ZNF407: variants seen among roughly 807,000 people sequenced by gnomAD.
The protein encoded by ZNF407 is zinc finger protein 407.
ZNF407 carries 17 observed loss-of-function variants against 131.2 expected under a neutral mutation model. That is an observed-to-expected ratio of 0.13 (90% CI 0.09 to 0.19). The LOEUF (loss-of-function observed/expected upper bound fraction) is 0.19. Ranked by LOEUF, ZNF407 falls within the 10% of genes least tolerant of loss-of-function variation. The probability of loss-of-function intolerance (pLI) is 1.00; values close to 1 mark genes in which losing one functional copy is unlikely to be tolerated. For synonymous variants in ZNF407, 1,156 were observed against 1,062.0 expected, an observed-to-expected ratio of 1.09 and a Z score of -1.72; for missense variants, 2,681 against 2,830.6, an observed-to-expected ratio of 0.95 and a Z score of 1.20.
intron 1 of ZNF407, among the ~76,000 whole-genome samples, chr18:74,630,352 T>C (rs779273532): frequency 6.6e-6 from 1 of 152,016 alleles, no homozygotes; most frequent in African/African-American, 2.4e-5. Context: ...TTTGTATTTT[T>C]AGTAGCGACA....
intron 3 of ZNF407, among the ~76,000 whole-genome samples, chr18:74,741,587 A>C (rs1376643840): frequency 6.6e-6 from 1 of 152,184 alleles, no homozygotes; most frequent in East Asian, 1.9e-4. Flanking sequence ...AAAAAAGAAT[A>C]ATTGTAAAAA....
chr18:74,690,451 G>GTT (rs113247514), intron 3 of ZNF407, among the ~76,000 whole-genome samples: 25 of 150,270 alleles, frequency 1.7e-4, no homozygotes, highest in East Asian at 7.8e-4. Flanking sequence ...TTTTTTTGGG[G>GTT]GTTTTTTTTG....
intron 8 of ZNF407, among the ~76,000 whole-genome samples, chr18:75,002,584 C>T (rs1009830850): frequency 3.9e-5 from 6 of 152,210 alleles, no homozygotes; most frequent in South Asian, 4.1e-4. Flanking sequence ...GGGTGGATCA[C>T]GAGGTCAGGA....
intron 8 of ZNF407, among the ~76,000 whole-genome samples, chr18:75,053,052 G>A (rs1024421184): frequency 1.3e-5 from 2 of 152,168 alleles, no homozygotes; most frequent in Admixed American, 6.5e-5. Flanking sequence ...CAGTGGAATC[G>A]TGTGGTCCTG....
chr18:74,623,959 C>A (rs963735800), intron 1 of ZNF407, among the ~76,000 whole-genome samples: 2 of 152,106 alleles, frequency 1.3e-5, no homozygotes, highest in Non-Finnish European at 2.9e-5. Context: ...AAACGTAATG[C>A]TTGAAGAAGA....
At chr18:74,638,568 C>T (rs1984565857) in intron 2 of ZNF407, among the ~76,000 whole-genome samples, 1 of 152,120 alleles carries the variant, frequency 6.6e-6, no homozygotes, top group Admixed American at 6.5e-5. Context: ...GGTTGAGGAG[C>T]CCTCGTAGGC....
chr18:74,780,733 A>T (rs9947276), intron 3 of ZNF407, among the ~76,000 whole-genome samples: 99,693 of 152,006 alleles, frequency 0.66, 34,447 homozygotes, highest in East Asian at 0.95. Flanking sequence ...CATGACGTAA[A>T]TAAATTGATA....
chr18:74,653,911 A>AAT (rs1480743354), intron 3 of ZNF407, among the ~76,000 whole-genome samples: 1 of 151,848 alleles, frequency 6.6e-6, no homozygotes, highest in African/African-American at 2.4e-5. Flanking sequence ...TGAACATGCT[A>AAT]ATATATTATT....
intron 1 of ZNF407, among the ~76,000 whole-genome samples, chr18:74,627,909 C>G (rs1191033757): frequency 7.4e-6 from 1 of 135,324 alleles, no homozygotes; most frequent in Admixed American, 7.8e-5. Context: ...GGGTCTCACT[C>G]TGTTGCCCAG....
intron 6 of ZNF407, among the ~76,000 whole-genome samples, chr18:74,884,999 A>G (rs1265658662): frequency 6.6e-6 from 1 of 152,316 alleles, no homozygotes; most frequent in East Asian, 1.9e-4. Flanking sequence ...TTTAATGCCA[A>G]AACATTTTGT....
intron 8 of ZNF407, among the ~76,000 whole-genome samples, chr18:75,056,014 C>T (rs1003028225): frequency 2.0e-5 from 3 of 152,152 alleles, no homozygotes; most frequent in African/African-American, 7.2e-5. Flanking sequence ...TCATGAAATG[C>T]GGGGCATGGC....
At chr18:74,763,772 C>T (rs1166400030) in intron 3 of ZNF407, among the ~76,000 whole-genome samples, 5 of 141,452 alleles carry the variant, frequency 3.5e-5, no homozygotes, top group East Asian at 2.1e-4. Flanking sequence ...GGCAGTGGCG[C>T]GATCTCGGCT....
chr18:74,713,485 A>T (rs1303636660), intron 3 of ZNF407, among the ~76,000 whole-genome samples: 2 of 150,752 alleles, frequency 1.3e-5, no homozygotes, highest in African/African-American at 4.9e-5. Flanking sequence ...TAAAAAATAG[A>T]TTTTAAATAA....
chr18:74,781,595 C>T, intron 4 of ZNF407, 93 bp downstream of exon 4: 1 of 885,390 alleles, frequency 1.1e-6, no homozygotes, highest in Non-Finnish European at 1.7e-6. Flanking sequence ...TTTTTTTTCA[C>T]ATCAGTTAAT....
intron 3 of ZNF407, among the ~76,000 whole-genome samples, chr18:74,675,633 T>C (rs1292667534): frequency 6.6e-6 from 1 of 152,232 alleles, no homozygotes; most frequent in Non-Finnish European, 1.5e-5. Context: ...TTTTGCCTTT[T>C]ATTGCATAGC....
intron 1 of ZNF407, among the ~76,000 whole-genome samples, chr18:74,630,280 C>T (rs1381454267): frequency 6.6e-6 from 1 of 151,160 alleles, no homozygotes; most frequent in African/African-American, 2.4e-5. Flanking sequence ...ACGCCATTCT[C>T]CTGCCTCAGC....
intron 4 of ZNF407, among the ~76,000 whole-genome samples, chr18:74,783,661 G>T (rs1969650797): frequency 6.6e-6 from 1 of 151,858 alleles, no homozygotes; most frequent in South Asian, 2.1e-4. Flanking sequence ...TGAGGCAGGA[G>T]AAAGATTGAA....
intron 4 of ZNF407, among the ~76,000 whole-genome samples, chr18:74,787,924 CTTTCT>C (rs745343451): frequency 6.6e-6 from 1 of 152,148 alleles, no homozygotes; most frequent in Non-Finnish European, 1.5e-5. Context: ...GGAAATACAT[CTTTCT>C]TTTAAGACTC....
intron 8 of ZNF407, among the ~76,000 whole-genome samples, chr18:74,965,348 C>T (rs750216426): frequency 6.6e-6 from 1 of 152,026 alleles, no homozygotes; most frequent in Non-Finnish European, 1.5e-5. Context: ...TGTCAACTGT[C>T]TCCATGAGTT....
Sources: gnomAD v4.1 joint callset for allele counts (sites outside exome capture counted in the v4.1 genomes callset) on GRCh38, gnomAD v4.1.1 for gene constraint, MANE v1.5 for transcripts, NCBI Gene and HGNC (gene_info 2026-07-23, HGNC 2026-07-21) for gene names.